The following TNIK variants were observed in gnomAD, a reference collection of about 807,000 sequenced individuals.
TNIK encodes the protein TRAF2 and NCK-interacting protein kinase.
Under a neutral mutation model 191.3 loss-of-function variants are expected in TNIK, and 49 were observed. The observed-to-expected ratio is 0.26, with a 90% CI of 0.20 to 0.32. The LOEUF (loss-of-function observed/expected upper bound fraction) is 0.32, where lower values mean the gene tolerates loss of function less well. Ranked by LOEUF, TNIK falls within the 10% of genes least tolerant of loss-of-function variation. The pLI, the probability that TNIK is intolerant of heterozygous loss-of-function variation, is 1.00. For missense variants in TNIK, 1,155 were observed against 1,702.3 expected, an observed-to-expected ratio of 0.68 and a Z score of 5.66; for synonymous variants, 594 against 600.9, an observed-to-expected ratio of 0.99 and a Z score of 0.17.
chr3:171,306,341 G>T (rs1753449762), intron 2 of TNIK, among the ~76,000 whole-genome samples: 1 of 152,054 alleles, frequency 6.6e-6, no homozygotes, highest in Admixed American at 6.5e-5. Context: ...TAACAAACCT[G>T]CACGTGTACC....
chr3:171,236,719 ACT>A (rs534174078), intron 2 of TNIK, among the ~76,000 whole-genome samples: 221 of 152,202 alleles, frequency 1.5e-3, no homozygotes, highest in South Asian at 3.3e-3. Flanking sequence ...TTATGAGGCA[ACT>A]CTGTCTTTCC....
intron 18 of TNIK, among the ~76,000 whole-genome samples, chr3:171,120,783 G>A (rs1287612664): frequency 2.0e-5 from 3 of 152,128 alleles, no homozygotes; most frequent in African/African-American, 7.2e-5. Context: ...TGGTCCCTAA[G>A]TTTGCCACAG....
intron 2 of TNIK, among the ~76,000 whole-genome samples, chr3:171,279,467 C>CA (rs1331939193): frequency 1.3e-5 from 2 of 152,178 alleles, no homozygotes; most frequent in Non-Finnish European, 2.9e-5. Context: ...TAACAGCTCT[C>CA]CTAACTGATC....
chr3:171,322,190 G>C (rs1755234302), intron 2 of TNIK, among the ~76,000 whole-genome samples: 1 of 152,074 alleles, frequency 6.6e-6, no homozygotes, highest in Admixed American at 6.5e-5. Flanking sequence ...TTTCACTAAG[G>C]GTCAATATGA....
chr3:171,223,853 T>C (rs1001004276), intron 3 of TNIK, among the ~76,000 whole-genome samples: 1 of 152,186 alleles, frequency 6.6e-6, no homozygotes, highest in Non-Finnish European at 1.5e-5. Flanking sequence ...CACTATAATA[T>C]ATGATATTAT....
At chr3:171,308,399 A>G (rs1577423735) in intron 2 of TNIK, among the ~76,000 whole-genome samples, 1 of 152,112 alleles carries the variant, frequency 6.6e-6, no homozygotes, top group African/African-American at 2.4e-5. Flanking sequence ...CACCACACAC[A>G]AAAATCAACT....
intron 17 of TNIK, 76 bp from the exon 18 acceptor site, chr3:171,123,778 C>T: frequency 9.1e-7 from 1 of 1,098,544 alleles, no homozygotes; most frequent in Non-Finnish European, 1.3e-6. Context: ...TCCTCCTTTC[C>T]AATGATTTGC....
chr3:171,350,926 C>T lies in TNIK; in HGVS notation c.123+18694G>A, dbSNP rs150670007. Reference sequence around the variant, plus strand: ...AACCTGCTGCTTCCCATAATAATAACACTTGCTGGACACTTTAATCTGTCT... The same window carrying T: ...AACCTGCTGCTTCCCATAATAATAATACTTGCTGGACACTTTAATCTGTCT... On this transcript the variant is annotated intron_variant, in intron 2 of 32. Coordinates refer to ENST00000436636, the MANE Select transcript of TNIK (RefSeq NM_015028.4). 2.1e-4 allele frequency among the ~76,000 whole-genome samples: 32 copies of T among 152,210 alleles called. No individual in the cohort carries two copies. In the East Asian group the frequency reaches 4.3e-3, roughly 20 times the overall value.
At chr3:171,378,044 G>A (rs1330292458) in intron 1 of TNIK, among the ~76,000 whole-genome samples, 1 of 152,178 alleles carries the variant, frequency 6.6e-6, no homozygotes. Context: ...CTCAGGACAG[G>A]AAACCACAAT....
intron 7 of TNIK, among the ~76,000 whole-genome samples, chr3:171,181,620 A>C (rs1438646217): frequency 6.6e-6 from 1 of 152,256 alleles, no homozygotes; most frequent in Non-Finnish European, 1.5e-5. Flanking sequence ...GGACAAATAT[A>C]GCTAGTGTCT....
At chr3:171,084,911 G>A (rs553909732) in intron 25 of TNIK, among the ~76,000 whole-genome samples, 4 of 152,212 alleles carry the variant, frequency 2.6e-5, no homozygotes, top group African/African-American at 4.8e-5. Context: ...TACCAGAAAC[G>A]AAATAGAAGA....
At chr3:171,439,046 T>C (rs1726404585) in intron 1 of TNIK, among the ~76,000 whole-genome samples, 1 of 152,206 alleles carries the variant, frequency 6.6e-6, no homozygotes, top group South Asian at 2.1e-4. Context: ...TTACATTTCA[T>C]GTTTTAAAAT....
At chr3:171,399,289 T>C (rs947181854) in intron 1 of TNIK, among the ~76,000 whole-genome samples, 4 of 152,116 alleles carry the variant, frequency 2.6e-5, no homozygotes, top group African/African-American at 9.7e-5. Context: ...ACATGCAGTC[T>C]AAAAGAGCTC....
intron 1 of TNIK, among the ~76,000 whole-genome samples, chr3:171,411,143 T>C (rs1435151262): frequency 6.6e-6 from 1 of 151,916 alleles, no homozygotes; most frequent in African/African-American, 2.4e-5. Flanking sequence ...ATATAGCTCA[T>C]TGCAGCCTCG....
intron 1 of TNIK, among the ~76,000 whole-genome samples, chr3:171,372,387 A>C (rs1716625326): frequency 1.3e-5 from 2 of 152,246 alleles, no homozygotes; most frequent in Admixed American, 6.5e-5. Flanking sequence ...TTCCCCAGGA[A>C]TAAAACCTGA....
chr3:171,295,005 A>AAGAGAG (rs141597723), intron 2 of TNIK, among the ~76,000 whole-genome samples: 14,069 of 146,560 alleles, frequency 0.096, 882 homozygotes, highest in Non-Finnish European at 0.14. Context: ...CTGGCCAGGG[A>AAGAGAG]AGAGAGAGAG....
intron 1 of TNIK, among the ~76,000 whole-genome samples, chr3:171,415,030 CT>C (rs1330822377): frequency 6.6e-6 from 1 of 152,154 alleles, no homozygotes; most frequent in Non-Finnish European, 1.5e-5. Context: ...CACCAGTTTT[CT>C]ACCAGGCTCC....
chr3:171,093,993 A>G, intron 22 of TNIK, 25 bp from the exon 23 acceptor site: 4 of 1,604,630 alleles, frequency 2.5e-6, no homozygotes, highest in South Asian at 1.1e-5. Flanking sequence ...AACAACATTC[A>G]TGGCAATGTA....
intron 1 of TNIK, among the ~76,000 whole-genome samples, chr3:171,390,538 G>C (rs1276504831): frequency 6.6e-6 from 1 of 152,136 alleles, no homozygotes; most frequent in Non-Finnish European, 1.5e-5. Flanking sequence ...ACAGGGTCTC[G>C]CACACAGCCA....
Sources: gnomAD v4.1 joint callset for allele counts (sites outside exome capture counted in the v4.1 genomes callset) on GRCh38, gnomAD v4.1.1 for gene constraint, MANE v1.5 for transcripts, NCBI Gene and HGNC (gene_info 2026-07-23, HGNC 2026-07-21) for gene names.